ABCA1: variants seen among roughly 807,000 people sequenced by gnomAD.
ABCA1 encodes ATP binding cassette subfamily A member 1.
In ABCA1, 133 loss-of-function variants were observed where a neutral mutation model predicts 262.5. The observed-to-expected ratio is 0.51, with a 90% confidence interval of 0.44 to 0.59. The LOEUF is 0.59. ABCA1 is among the 20% of genes least tolerant of loss of function. The pLI, the probability that ABCA1 is intolerant of heterozygous loss-of-function variation, is 0.00. For missense variants in ABCA1, 2,452 were observed against 2,777.5 expected (o/e 0.88, Z 2.63); for synonymous variants, 1,022 against 1,043.5 (o/e 0.98, Z 0.40).
intron 7 of ABCA1, chr9:104,855,786 C>G: frequency 6.4e-7 from 1 of 1,571,922 alleles, no homozygotes; most frequent in African/African-American, 1.4e-5. Context: ...GACCCTCCCA[C>G]ACTGCCATAC....
chr9:104,875,282 G>A (rs1306605455), intron 5 of ABCA1, among the ~76,000 whole-genome samples: 4 of 149,224 alleles, frequency 2.7e-5, no homozygotes, highest in South Asian at 2.1e-4. Flanking sequence ...GGCGGTGGTC[G>A]CAGTGAGCCG....
chr9:104,814,197 GGCCC>G lies in ABCA1; in HGVS notation c.3818_3821del (p.Arg1273ProfsTer25). ...GAAGACAGCTCTGCTTGTCCCCGAA[GGCCC>G]GCCTGTTTCGTCTTGCTGGCAAGGT... On this transcript the variant is annotated frameshift_variant, in exon 27 of 50. Coordinates refer to ENST00000374736, the MANE Select transcript of ABCA1 (RefSeq NM_005502.4). LOFTEE classifies it high-confidence loss of function. 1 of 1,614,234 alleles carries G rather than the reference GGCCC, an allele frequency of 6.2e-7. No homozygotes were observed. Among genetic ancestry groups the G allele is most frequent in the Non-Finnish European group, 8.5e-7 (1 of 1,180,048 alleles).
At chr9:104,875,042 ATAG>A (rs1375995567) in intron 5 of ABCA1, among the ~76,000 whole-genome samples, 14 of 152,248 alleles carry the variant, frequency 9.2e-5, no homozygotes, top group African/African-American at 3.4e-4. Context: ...GTTTTGTCGA[ATAG>A]AAAAGGGGGA....
At chr9:104,827,554 G>A (rs1233656689) in intron 15 of ABCA1, among the ~76,000 whole-genome samples, 3 of 152,176 alleles carry the variant, frequency 2.0e-5, no homozygotes, top group African/African-American at 4.8e-5. Context: ...CTGTCTAAAA[G>A]CCAAGGAAAA....
chr9:104,806,619 TATCATCATTATGTATCATTTTATAC>T (rs1285738404), intron 30 of ABCA1, among the ~76,000 whole-genome samples, 189 bp from the exon 31 acceptor site: 1 of 152,236 alleles, frequency 6.6e-6, no homozygotes, highest in Admixed American at 6.5e-5. Context: ...ACATCATTTA[TATCATCATTATGTATCATTTTATAC>T]ATAAGTAAAA....
chr9:104,868,320 C>A (rs981959979), intron 5 of ABCA1, among the ~76,000 whole-genome samples: 2 of 152,138 alleles, frequency 1.3e-5, no homozygotes, highest in African/African-American at 4.8e-5. Context: ...CCATTGCAAT[C>A]CAGCCTGGGC....
intron 29 of ABCA1, 28 bp downstream of exon 29, chr9:104,810,772 C>A (rs368312155): frequency 1.2e-6 from 2 of 1,614,148 alleles, no homozygotes; most frequent in East Asian, 2.2e-5. Context: ...AATCTTACCC[C>A]CTCCTGGGAT....
At chr9:104,822,362 T>C (rs1030459629) in intron 19 of ABCA1, 134 bp downstream of exon 19, 24 of 1,177,920 alleles carry the variant, frequency 2.0e-5, no homozygotes, top group African/African-American at 3.0e-5. Context: ...AGATAACATG[T>C]TCACATTCGG....
chr9:104,868,385 T>C (rs1035127398), intron 5 of ABCA1, among the ~76,000 whole-genome samples: 1 of 152,088 alleles, frequency 6.6e-6, no homozygotes, highest in East Asian at 1.9e-4. Flanking sequence ...ACGGGGCTAA[T>C]AACATTCACA....
At chr9:104,887,871 T>G (rs1185339829) in intron 3 of ABCA1, among the ~76,000 whole-genome samples, 4 of 151,700 alleles carry the variant, frequency 2.6e-5, no homozygotes, top group African/African-American at 4.8e-5. Context: ...GGATTACAGG[T>G]GTGCGCCACC....
At chr9:104,826,901 GA>G in intron 16 of ABCA1, 46 bp downstream of exon 16, 1 of 1,552,868 alleles carries the variant, frequency 6.4e-7, no homozygotes, top group Non-Finnish European at 8.9e-7. Context: ...GACTCCAAAG[GA>G]AGGTCAAATG....
intron 3 of ABCA1, among the ~76,000 whole-genome samples, chr9:104,888,604 A>G (rs1410579770): frequency 6.6e-6 from 1 of 152,184 alleles, no homozygotes; most frequent in Non-Finnish European, 1.5e-5. Flanking sequence ...CTCACTGTAA[A>G]GGCTGTTATC....
chr9:104,784,014 G>T lies in ABCA1; in HGVS notation c.*301C>A. 2 of 260,490 alleles carry T rather than the reference G, an allele frequency of 7.7e-6. No individual in the cohort carries two copies. The highest frequency in any genetic ancestry group is 7.9e-5 in the East Asian group (1 of 12,656). 16.1% of individuals were successfully genotyped at this position (260,490 alleles called of 1,614,324 possible). A position where few individuals can be genotyped will look rare whatever the true frequency, so the allele number is the denominator to read the frequency against. On this transcript the variant is annotated 3_prime_UTR_variant, in exon 50 of 50. Coordinates refer to ENST00000374736, the MANE Select transcript of ABCA1 (RefSeq NM_005502.4). ...GGAACAAAAAAAAAAAAAAAAGTGT[G>T]AGTTCAAACCCATATGTCCATTGGG... is the stretch of plus-strand genomic sequence containing the variant.
At chr9:104,894,171 G>A (rs1840007901) in intron 2 of ABCA1, among the ~76,000 whole-genome samples, 1 of 152,166 alleles carries the variant, frequency 6.6e-6, no homozygotes, top group Admixed American at 6.5e-5. Flanking sequence ...TTTAAGATAT[G>A]CCACTTAAAA....
rs755339544 is a variant in ABCA1, at chr9:104,901,156, T to TGC, written c.66+2456_66+2457dup. Reference sequence around the variant, plus strand: ...GGCTAAGCACGGAAAACCTTTTCCCTGCCCTTTCTTCTAACTTCAAGCTGC... The same window carrying TGC: ...GGCTAAGCACGGAAAACCTTTTCCCTGCGCCCTTTCTTCTAACTTCAAGCTGC... On this transcript the variant is annotated intron_variant, in intron 2 of 49. Transcript: ENST00000374736. 3.2e-4 allele frequency among the ~76,000 whole-genome samples: 48 copies of TGC among 152,188 alleles called. 2 individuals carry two copies. Among genetic ancestry groups the TGC allele is most frequent in the Non-Finnish European group, 8.8e-5 (6 of 68,038 alleles).
chr9:104,794,390 A>C lies in ABCA1; in HGVS notation c.5503T>G (p.Phe1835Val), dbSNP rs1385095364. 1.2e-6 allele frequency: 2 copies of C among 1,613,602 alleles called. No individual in the cohort carries two copies. The highest frequency in any genetic ancestry group is 3.3e-5 in the Admixed American group (2 of 59,934). Residue 1835 changes from phenylalanine (F) to valine (V), a missense_variant, in exon 40 of 50, where the codon TTT becomes GTT. Transcript: ENST00000374736. The part of the protein sequence containing the change: ...NQAMADALER[F>V]GENRFVSPLS... ...CTACAGCCACTGCTTCACTCACCAA[A>C]CCTTTCCAGGGCATCAGCCATTGCC...
rs760550253 is a variant in ABCA1, at chr9:104,821,339, G to A, written c.2960+36C>T. 3 of 1,611,288 alleles carry A rather than the reference G, an allele frequency of 1.9e-6. No individual in the cohort carries two copies. In the South Asian group the frequency reaches 3.3e-5, roughly 18 times the overall value. ...TGATGGCATGACACACACACATCCA[G>A]AAAAGGCCTATTCTTAACGTGCTGC... On this transcript the variant is annotated intron_variant, in intron 20 of 49. Transcript: ENST00000374736.
intron 2 of ABCA1, among the ~76,000 whole-genome samples, chr9:104,890,628 G>C (rs968423144): frequency 6.6e-6 from 1 of 151,378 alleles, no homozygotes; most frequent in Non-Finnish European, 1.5e-5. Context: ...TTGAGACAGG[G>C]TCTTGCTCCA....
intron 10 of ABCA1, 75 bp from the exon 11 acceptor site, chr9:104,837,171 T>G: frequency 7.8e-7 from 1 of 1,278,406 alleles, no homozygotes; most frequent in East Asian, 2.3e-5. Flanking sequence ...GGCTCCTCCC[T>G]GAAAAGATAC....
Sources: allele counts gnomAD v4.1 joint callset (sites outside exome capture counted in the v4.1 genomes callset), GRCh38; gene constraint gnomAD v4.1.1; transcripts MANE v1.5; gene names NCBI Gene and HGNC (gene_info 2026-07-23, HGNC 2026-07-21).